SH3BGR: variants seen among roughly 807,000 people sequenced by gnomAD.
The protein encoded by SH3BGR is SH3 domain-binding glutamic acid-rich protein.
In SH3BGR, 29 loss-of-function variants were observed where a neutral mutation model predicts 24.5. That is an observed-to-expected ratio of 1.18 (90% CI 0.88 to 1.61). SH3BGR has a LOEUF of 1.61. SH3BGR is among the 40% of genes most tolerant of loss of function. The probability of loss-of-function intolerance (pLI) is 0.00; values close to 1 mark genes in which losing one functional copy is unlikely to be tolerated. For missense variants in SH3BGR, 162 were observed against 205.8 expected (o/e 0.79, Z 1.30); for synonymous variants, 55 against 65.7 (o/e 0.84, Z 0.79).
chr21:39,481,529 G>T (rs537191416), intron 3 of SH3BGR, among the ~76,000 whole-genome samples: 31 of 152,294 alleles, frequency 2.0e-4, no homozygotes, highest in African/African-American at 7.5e-4. Context: ...AACATTTTCT[G>T]ATTATTAACC....
intron 4 of SH3BGR, among the ~76,000 whole-genome samples, chr21:39,506,230 T>C (rs2078580985): frequency 1.3e-5 from 2 of 152,130 alleles, no homozygotes; most frequent in Admixed American, 1.3e-4. Flanking sequence ...AAATGATGAT[T>C]ATGGGAGCAA....
chr21:39,500,135 C>A (rs2078469451), intron 4 of SH3BGR, among the ~76,000 whole-genome samples: 1 of 152,084 alleles, frequency 6.6e-6, no homozygotes, highest in South Asian at 2.1e-4. Context: ...TGAACCCAGA[C>A]CAGGAGGGAG....
intron 2 of SH3BGR, among the ~76,000 whole-genome samples, chr21:39,463,067 A>G (rs940142277): frequency 1.3e-4 from 20 of 152,154 alleles, no homozygotes; most frequent in Admixed American, 1.2e-3. Context: ...AATTTTTTGT[A>G]GAGACAGGGT....
Position 39,483,209 on chromosome 21 carries a change from G to A in SH3BGR, c.312+7994G>A, listed in dbSNP as rs368629881. Among the ~76,000 whole-genome samples the A allele has an allele frequency of 1.2e-4, 18 of 152,302 alleles. No individual in the cohort carries two copies. In the East Asian group the frequency reaches 1.7e-3, roughly 15 times the overall value. The stretch of plus-strand genomic sequence containing the variant: ...TTTACAGGGAAAAAAACAGACTTTA[G>A]AAAATTATGTGGAAAAGTTAGAGCA... On this transcript the variant is annotated intron_variant, in intron 3 of 6. Coordinates refer to ENST00000333634, the MANE Select transcript of SH3BGR (RefSeq NM_007341.3).
intron 1 of SH3BGR, among the ~76,000 whole-genome samples, chr21:39,458,547 A>G (rs1011406038): frequency 6.6e-5 from 10 of 151,996 alleles, no homozygotes; most frequent in African/African-American, 2.4e-4. Context: ...CATGTTGGCC[A>G]GGCTGGTCTC....
intron 2 of SH3BGR, among the ~76,000 whole-genome samples, chr21:39,473,258 T>A (rs948670227): frequency 1.3e-5 from 2 of 152,194 alleles, no homozygotes; most frequent in African/African-American, 4.8e-5. Flanking sequence ...TGCCTCGAAA[T>A]CTAGAGTTGG....
chr21:39,450,899 AG>A (rs1273414318), upstream of SH3BGR, among the ~76,000 whole-genome samples: 6 of 152,066 alleles, frequency 3.9e-5, no homozygotes, highest in African/African-American at 1.4e-4. Flanking sequence ...TCCTGGCTAA[AG>A]GGCTCAAGGG....
chr21:39,466,828 C>T (rs1390159437), intron 2 of SH3BGR, among the ~76,000 whole-genome samples: 1 of 152,140 alleles, frequency 6.6e-6, no homozygotes, highest in Non-Finnish European at 1.5e-5. Flanking sequence ...GGGACACAGC[C>T]AAACCATATC....
chr21:39,459,207 C>G (rs548317307), intron 1 of SH3BGR, among the ~76,000 whole-genome samples: 2 of 151,862 alleles, frequency 1.3e-5, no homozygotes, highest in South Asian at 4.2e-4. Context: ...TACCTTCCTT[C>G]CTTCTTCCTT....
chr21:39,449,209 A>T (rs1254264240), upstream of SH3BGR, among the ~76,000 whole-genome samples: 1 of 152,214 alleles, frequency 6.6e-6, no homozygotes, highest in African/African-American at 2.4e-5. Flanking sequence ...CTCAGTATGT[A>T]TGTAAGGCTG....
At chr21:39,512,165 C>T (rs1252959875) in intron 6 of SH3BGR, among the ~76,000 whole-genome samples, 1 of 152,188 alleles carries the variant, frequency 6.6e-6, no homozygotes, top group Non-Finnish European at 1.5e-5. Context: ...GTCCTTTTAT[C>T]AGCATTCTGT....
At position 39,484,112 on chromosome 21, in the gene SH3BGR, C is replaced by G. The variant is rs139656499; in HGVS notation, c.312+8897C>G. Among the ~76,000 whole-genome samples the G allele has an allele frequency of 2.3e-3, 354 of 152,310 alleles. 1 individual carries two copies. The highest frequency in any genetic ancestry group is 8.3e-3 in the African/African-American group (346 of 41,552). On this transcript the variant is annotated intron_variant, in intron 3 of 6. Transcript: ENST00000333634. ...TAGGGATGATATTGTAAAGGGCCTT[C>G]TGTGTCTGGACTTTTTTCTTGGCAA...
rs186683857 is a variant in SH3BGR, at chr21:39,501,561, A to G, written c.405+1646A>G. ...TTTATATGAATATATTACTAACATCATATTATCAAATTTACTTTTCAACTC... is the reference window on the plus strand; with the variant it reads ...TTTATATGAATATATTACTAACATCGTATTATCAAATTTACTTTTCAACTC... On this transcript the variant is annotated intron_variant, in intron 4 of 6. Transcript: ENST00000333634. Among the ~76,000 whole-genome samples, 276 of 152,352 alleles carry G rather than the reference A, an allele frequency of 1.8e-3. 2 individuals carry two copies. The highest frequency in any genetic ancestry group is 6.4e-3 in the African/African-American group (266 of 41,584).
intron 3 of SH3BGR, among the ~76,000 whole-genome samples, chr21:39,485,634 A>G (rs182570241): frequency 6.6e-6 from 1 of 152,188 alleles, no homozygotes; most frequent in African/African-American, 2.4e-5. Flanking sequence ...CTTCTCAACA[A>G]AAGTTCTGGA....
intron 6 of SH3BGR, among the ~76,000 whole-genome samples, chr21:39,513,373 G>A (rs1226347017): frequency 6.6e-6 from 1 of 152,126 alleles, no homozygotes; most frequent in Admixed American, 6.5e-5. Flanking sequence ...AAATAGCAAT[G>A]CTCTTTGCAC....
In SH3BGR at chr21:39,509,001, G is replaced by T. The variant is rs748993234; in HGVS notation, c.409G>T (p.Glu137Ter). Residue 137 changes from glutamate (E) to a stop codon, truncating the protein, a stop_gained, in exon 5 of 7, where the codon GAA becomes TAA. Coordinates refer to ENST00000333634, the MANE Select transcript of SH3BGR (RefSeq NM_007341.3). LOFTEE classifies it high-confidence loss of function. Reference sequence around the variant, plus strand: ...AATTTTGATTTATGGATGTAAGGAAGAAGAAGGAGAGACAGCCACAGAAGA... The same window carrying T: ...AATTTTGATTTATGGATGTAAGGAATAAGAAGGAGAGACAGCCACAGAAGA... ...NLPEAQEKNE[E>*]EGETATEETE... 1 of 1,608,360 alleles carries T rather than the reference G, an allele frequency of 6.2e-7. No individual in the cohort carries two copies. The highest frequency in any genetic ancestry group is 8.5e-7 in the Non-Finnish European group (1 of 1,176,596).
chr21:39,481,083 T>G (rs995762876), intron 3 of SH3BGR, among the ~76,000 whole-genome samples: 1 of 152,242 alleles, frequency 6.6e-6, no homozygotes, highest in Non-Finnish European at 1.5e-5. Context: ...GCCTAATTGT[T>G]ATATTGTATG....
At chr21:39,448,382 A>T (rs2077535187), upstream of SH3BGR, among the ~76,000 whole-genome samples, 1 of 152,194 alleles carries the variant, frequency 6.6e-6, no homozygotes, top group Admixed American at 6.5e-5. Context: ...GTAAATCAAA[A>T]CATATCATCT....
upstream of SH3BGR, chr21:39,445,915 C>G (rs1320974272): frequency 6.6e-6 from 1 of 152,244 alleles, no homozygotes; most frequent in Non-Finnish European, 1.5e-5. Context: ...TCGCGTTTGT[C>G]TTCGGTGACG....
Sources: gnomAD v4.1 joint callset for allele counts (sites outside exome capture counted in the v4.1 genomes callset) on GRCh38, gnomAD v4.1.1 for gene constraint, MANE v1.5 for transcripts, NCBI Gene and HGNC (gene_info 2026-07-23, HGNC 2026-07-21) for gene names.